Variants in RUBCN observed in about 807,000 individuals in gnomAD.
RUBCN encodes the protein run domain Beclin-1-interacting and cysteine-rich domain-containing protein.
Under a neutral mutation model 113.2 loss-of-function variants are expected in RUBCN, and 74 were observed. That is an observed-to-expected ratio of 0.65 (90% CI 0.54 to 0.79). The LOEUF is 0.79. Among genes scored for constraint, RUBCN ranks in the 30% least tolerant of loss-of-function variants. RUBCN has a pLI of 0.00. For missense variants in RUBCN, 1,109 were observed against 1,251.7 expected (o/e 0.89, Z 1.72); for synonymous variants, 480 against 490.0 (o/e 0.98, Z 0.27).
rs373900530 is a variant in RUBCN, at chr3:197,672,883, G to C, written c.*2135C>G. 27 of 152,336 alleles carry C rather than the reference G, an allele frequency of 1.8e-4. No homozygotes were observed. The highest frequency in any genetic ancestry group is 6.3e-4 in the African/African-American group (26 of 41,464). The allele number at this position is 152,336 out of a possible 1,614,324, so 9.4% of individuals were successfully genotyped here. A position where few individuals can be genotyped will look rare whatever the true frequency, so the allele number is the denominator to read the frequency against. On this transcript the variant is annotated 3_prime_UTR_variant, in exon 20 of 20. Transcript: ENST00000296343. ...AATTTTTGTATTTTTGGAAGAGACA[G>C]GGTTTCACCACATTGGCCAGGCTGG...
At chr3:197,690,993 A>G in intron 11 of RUBCN, 1 of 727,936 alleles carries the variant, frequency 1.4e-6, no homozygotes, top group Non-Finnish European at 2.1e-6. Context: ...CAGTTATCAC[A>G]TGATTAAGTA....
rs1175440766 is a variant in RUBCN, at chr3:197,717,209, C to G, written c.219+768G>C. Among the ~76,000 whole-genome samples, 5 of 151,706 alleles carry G rather than the reference C, an allele frequency of 3.3e-5. No homozygotes were observed. The East Asian group carries it at 9.7e-4, about 29-fold the overall frequency. On this transcript the variant is annotated intron_variant, in intron 2 of 19. Coordinates refer to ENST00000296343, the MANE Select transcript of RUBCN (RefSeq NM_014687.4). ...CAGCACTTTGGGAGGCCAAGGTGGG[C>G]AGATCACAAGGTCAGGAGATTGAGA... is the stretch of plus-strand genomic sequence containing the variant.
At chr3:197,698,829 CAAA>C (rs113975138) in intron 7 of RUBCN, among the ~76,000 whole-genome samples, 1 of 31,112 alleles carries the variant, frequency 3.2e-5, no homozygotes, top group Non-Finnish European at 7.2e-5. Flanking sequence ...CCTGTCTCTA[CAAA>C]AAAAAAAAAA....
chr3:197,688,961 T>C (rs959052027), intron 11 of RUBCN, among the ~76,000 whole-genome samples: 1 of 151,928 alleles, frequency 6.6e-6, no homozygotes, highest in Non-Finnish European at 1.5e-5. Context: ...TGGATTATGG[T>C]GATGGCTGCA....
intron 2 of RUBCN, among the ~76,000 whole-genome samples, chr3:197,713,087 G>C (rs1415985469): frequency 6.6e-6 from 1 of 152,124 alleles, no homozygotes; most frequent in Non-Finnish European, 1.5e-5. Context: ...GTAAACTTCT[G>C]ACCTCAGGTG....
At chr3:197,733,754 A>C (rs1727788222) in intron 1 of RUBCN, among the ~76,000 whole-genome samples, 1 of 152,194 alleles carries the variant, frequency 6.6e-6, no homozygotes, top group Admixed American at 6.6e-5. Flanking sequence ...CTTTGTGAGG[A>C]TAACCCCACT....
chr3:197,692,346 T>C (rs1722516132), intron 11 of RUBCN, among the ~76,000 whole-genome samples: 1 of 152,012 alleles, frequency 6.6e-6, no homozygotes, highest in African/African-American at 2.4e-5. Flanking sequence ...TACTTCTTCA[T>C]GTGGCTGCTC....
chr3:197,716,251 C>T (rs1725499468), intron 2 of RUBCN, among the ~76,000 whole-genome samples: 1 of 152,216 alleles, frequency 6.6e-6, no homozygotes. Context: ...CCTCAGCCAC[C>T]TGAGTAGCTG....
At position 197,683,233 on chromosome 3, in the gene RUBCN, A is replaced by T. The variant is rs1306995227; in HGVS notation, c.1980+74T>A. On this transcript the variant is annotated intron_variant, in intron 13 of 19. Transcript: ENST00000296343. The surrounding 1 kb of genome is among the most constrained non-coding windows in gnomAD (Gnocchi z 4.6). ...CACCCAGGCTCATTCCAGACTAGGG[A>T]CATGTGACGAAGGAAAACAAGGTCA... 6.4e-7 allele frequency: 1 copy of T among 1,567,154 alleles called. No individual in the cohort carries two copies. Among genetic ancestry groups the T allele is most frequent in the Non-Finnish European group, 8.8e-7 (1 of 1,137,232 alleles).
intron 7 of RUBCN, among the ~76,000 whole-genome samples, chr3:197,699,681 G>C (rs1723421486): frequency 6.6e-6 from 1 of 152,126 alleles, no homozygotes; most frequent in African/African-American, 2.4e-5. Flanking sequence ...ATTCTTGAGG[G>C]AAAACAAAGA....
In RUBCN at chr3:197,673,832, T is replaced by C. The variant is rs1720034832; in HGVS notation, c.*1186A>G. The C allele has an allele frequency of 1.3e-5, 2 of 152,268 alleles. No homozygotes were observed. The highest frequency in any genetic ancestry group is 2.1e-4 in the South Asian group (1 of 4,828). 9.4% of individuals were successfully genotyped at this position (152,268 alleles called of 1,614,324 possible). Reference sequence around the variant, plus strand: ...AAGTGCATAATTGGCATAAAGGCTCTTGTTATCCCAAGAACACAGGGACAT... The same window carrying C: ...AAGTGCATAATTGGCATAAAGGCTCCTGTTATCCCAAGAACACAGGGACAT... On this transcript the variant is annotated 3_prime_UTR_variant, in exon 20 of 20. Coordinates refer to ENST00000296343, the MANE Select transcript of RUBCN (RefSeq NM_014687.4).
chr3:197,694,851 GT>G (rs1003923187), intron 9 of RUBCN, among the ~76,000 whole-genome samples: 2 of 152,076 alleles, frequency 1.3e-5, no homozygotes, highest in Non-Finnish European at 2.9e-5. Context: ...TTTCAATCAG[GT>G]TCTTTCCCAA....
intron 1 of RUBCN, among the ~76,000 whole-genome samples, chr3:197,731,872 G>A (rs1366638729): frequency 6.6e-6 from 1 of 152,230 alleles, no homozygotes; most frequent in Non-Finnish European, 1.5e-5. Flanking sequence ...AGTCACCCTA[G>A]ATTTTTTAGT....
chr3:197,743,449 T>A (rs1728608848), intron 1 of RUBCN, among the ~76,000 whole-genome samples: 1 of 152,126 alleles, frequency 6.6e-6, no homozygotes, highest in African/African-American at 2.4e-5. Flanking sequence ...AATGAACGAA[T>A]AAATGAACAA....
At chr3:197,745,284 CAA>C (rs35402850) in intron 1 of RUBCN, among the ~76,000 whole-genome samples, 3 of 137,634 alleles carry the variant, frequency 2.2e-5, no homozygotes, top group Non-Finnish European at 4.6e-5. Context: ...GATGCTGTCT[CAA>C]AAAAAAAAAA....
chr3:197,737,426 G>A (rs1728272881), upstream of RUBCN, among the ~76,000 whole-genome samples: 1 of 151,346 alleles, frequency 6.6e-6, no homozygotes, highest in African/African-American at 2.4e-5. Flanking sequence ...CTCGGAAGAT[G>A]GATGTCAACG....
chr3:197,696,120 T>G (rs1343720369), intron 8 of RUBCN, 139 bp from the exon 9 acceptor site: 3 of 836,830 alleles, frequency 3.6e-6, no homozygotes, highest in Non-Finnish European at 3.9e-6. Flanking sequence ...CTAAAAGAAT[T>G]TCTTGCACTT....
rs745629387 is a variant in RUBCN, at chr3:197,675,011, G to A, written c.*7C>T. ...CCGGCCCGGAGGGAGGGCTGCACGT[G>A]CTTTCTTCAGGTGGCCTCCAGGACG... On this transcript the variant is annotated 3_prime_UTR_variant, in exon 20 of 20. Coordinates refer to ENST00000296343, the MANE Select transcript of RUBCN (RefSeq NM_014687.4). The surrounding 1 kb of genome is among the most constrained non-coding windows in gnomAD (Gnocchi z 4.4). 5 of 1,611,180 alleles carry A rather than the reference G, an allele frequency of 3.1e-6. No individual in the cohort carries two copies. In the East Asian group the frequency reaches 1.1e-4, roughly 36 times the overall value.
chr3:197,688,622 C>T (rs114514789), intron 11 of RUBCN, among the ~76,000 whole-genome samples: 1,940 of 152,128 alleles, frequency 0.013, 49 homozygotes, highest in African/African-American at 0.045. Flanking sequence ...AAAATTGATG[C>T]AGCTATAATA....
Sources: allele counts gnomAD v4.1 joint callset (sites outside exome capture counted in the v4.1 genomes callset), GRCh38; gene constraint gnomAD v4.1.1; non-coding constraint Gnocchi (gnomAD v3.1); transcripts MANE v1.5; gene names NCBI Gene and HGNC (gene_info 2026-07-23, HGNC 2026-07-21).